BCKDHB: variants seen among roughly 807,000 people sequenced by gnomAD.
BCKDHB encodes 2-oxoisovalerate dehydrogenase subunit beta, mitochondrial.
In BCKDHB, 41 loss-of-function variants were observed where a neutral mutation model predicts 48.5. That is an observed-to-expected ratio of 0.85 (90% CI 0.66 to 1.10). BCKDHB has a LOEUF of 1.10. BCKDHB is among the 50% of genes least tolerant of loss of function. The pLI is 0.00. For missense variants in BCKDHB, 496 were observed against 494.2 expected, an observed-to-expected ratio of 1.00 and a Z score of -0.03; for synonymous variants, 201 against 174.8, an observed-to-expected ratio of 1.15 and a Z score of -1.18.
downstream of BCKDHB, among the ~76,000 whole-genome samples, chr6:80,349,648 A>G (rs542800827): frequency 1.8e-4 from 28 of 152,356 alleles, no homozygotes; most frequent in Non-Finnish European, 2.8e-4. Context: ...ATGAAAACAA[A>G]TATGGCATAA....
Position 80,196,048 on chromosome 6 carries a change from A to G in BCKDHB, c.743-4886A>G, listed in dbSNP as rs77442476. 9.3e-3 allele frequency among the ~76,000 whole-genome samples: 1,414 copies of G among 152,332 alleles called. 29 individuals are homozygous for G. The highest frequency in any genetic ancestry group is 0.032 in the African/African-American group (1,346 of 41,582). On this transcript the variant is annotated intron_variant, in intron 6 of 9. Coordinates refer to ENST00000320393, the MANE Select transcript of BCKDHB (RefSeq NM_183050.4). ...ACTGCAGATTAGTGACAGGGCAGAG[A>G]AATGACCTTATTATCTCTGTAATGG...
At chr6:80,183,361 A>C (rs1368837368) in intron 6 of BCKDHB, among the ~76,000 whole-genome samples, 1 of 152,220 alleles carries the variant, frequency 6.6e-6, no homozygotes, top group Non-Finnish European at 1.5e-5. Flanking sequence ...TCAGACATTT[A>C]ACTTGGCAAT....
chr6:80,216,564 T>C (rs1775181131), intron 8 of BCKDHB, among the ~76,000 whole-genome samples: 1 of 152,218 alleles, frequency 6.6e-6, no homozygotes, highest in Non-Finnish European at 1.5e-5. Flanking sequence ...ACACTTAAAT[T>C]ATTTGAGTTT....
chr6:80,284,905 C>A (rs1766553817), intron 9 of BCKDHB, among the ~76,000 whole-genome samples: 1 of 152,028 alleles, frequency 6.6e-6, no homozygotes, highest in Non-Finnish European at 1.5e-5. Context: ...AGTCACCATG[C>A]CTGTATTATT....
At chr6:80,285,383 ATAAAT>A (rs550610037) in intron 9 of BCKDHB, among the ~76,000 whole-genome samples, 3 of 152,294 alleles carry the variant, frequency 2.0e-5, no homozygotes, top group South Asian at 2.1e-4. Context: ...AATTTACCTA[ATAAAT>A]TAAATGCAGT....
At chr6:80,326,765 G>A (rs939799743) in intron 9 of BCKDHB, among the ~76,000 whole-genome samples, 1 of 152,044 alleles carries the variant, frequency 6.6e-6, no homozygotes, top group African/African-American at 2.4e-5. Flanking sequence ...GCTTGTGTCT[G>A]TAATCCCAGA....
the BCKDHB span, among the ~76,000 whole-genome samples, chr6:80,410,013 C>T: frequency 1.3e-5 from 2 of 151,972 alleles, no homozygotes; most frequent in Non-Finnish European, 2.9e-5. Context: ...TTATTTTGCC[C>T]ATTAATTGAT....
the BCKDHB span, among the ~76,000 whole-genome samples, chr6:80,366,757 CT>C: frequency 2.3e-4 from 35 of 152,144 alleles, 1 homozygote; most frequent in Admixed American, 2.3e-3. Context: ...CATTAATATT[CT>C]TTTTTCACTC....
Position 80,189,486 on chromosome 6 carries a change from A to ATTC in BCKDHB, c.743-11448_743-11447insTTC, listed in dbSNP as rs1263435288. Among the ~76,000 whole-genome samples, 4 of 152,308 alleles carry ATTC rather than the reference A, an allele frequency of 2.6e-5. No homozygotes were observed. The East Asian group carries it at 7.7e-4, about 29-fold the overall frequency. On this transcript the variant is annotated intron_variant, in intron 6 of 9. Coordinates refer to ENST00000320393, the MANE Select transcript of BCKDHB (RefSeq NM_183050.4). The stretch of plus-strand genomic sequence containing the variant: ...AGTGACATTAACAATGCCCAAACTG[A>ATTC]ACACTTGACTAGCAGAAAGGGTGTT...
At chr6:80,419,634 C>T in the BCKDHB span, among the ~76,000 whole-genome samples, 56 of 152,294 alleles carry the variant, frequency 3.7e-4, no homozygotes, top group African/African-American at 1.3e-3. Flanking sequence ...TAAGCAGCCT[C>T]AACCACCCCA....
intron 8 of BCKDHB, among the ~76,000 whole-genome samples, chr6:80,261,198 C>A (rs1230743733): frequency 6.6e-6 from 1 of 152,170 alleles, no homozygotes; most frequent in Non-Finnish European, 1.5e-5. Context: ...GGAAGATGAA[C>A]CTCCTTTTCT....
the BCKDHB span, among the ~76,000 whole-genome samples, chr6:80,365,709 G>A: frequency 6.6e-6 from 1 of 152,040 alleles, no homozygotes; most frequent in East Asian, 1.9e-4. Context: ...TGGTCCTGAG[G>A]TGACGTACAT....
chr6:80,441,730 G>A, the BCKDHB span, among the ~76,000 whole-genome samples: 1 of 151,982 alleles, frequency 6.6e-6, no homozygotes, highest in Non-Finnish European at 1.5e-5. Context: ...TTAAATTCAA[G>A]TGACATTTCT....
chr6:80,343,848 CT>C lies in BCKDHB; in HGVS notation c.*45del, dbSNP rs1330502779. On this transcript the variant is annotated 3_prime_UTR_variant, in exon 10 of 10. Transcript: ENST00000320393. ...ATCTTGAGAAAGCTACTATGTGCCC[CT>C]GACATTAACGTACTGTTAACCAAGA... 25 of 1,604,714 alleles carry C rather than the reference CT, an allele frequency of 1.6e-5. No individual in the cohort carries two copies. The highest frequency in any genetic ancestry group is 2.0e-5 in the Non-Finnish European group (24 of 1,171,876).
At chr6:80,107,530 C>CATAT (rs771203556) in intron 1 of BCKDHB, among the ~76,000 whole-genome samples, 1,206 of 116,752 alleles carry the variant, frequency 0.01, 13 homozygotes, top group African/African-American at 0.013. Flanking sequence ...TATATATATG[C>CATAT]ATATATATAT....
intron 1 of BCKDHB, among the ~76,000 whole-genome samples, chr6:80,123,616 C>T (rs1340165840): frequency 1.3e-5 from 2 of 152,180 alleles, no homozygotes; most frequent in Non-Finnish European, 2.9e-5. Context: ...CTGGTTTAGT[C>T]TTGGGAGGGT....
the BCKDHB span, among the ~76,000 whole-genome samples, chr6:80,420,338 A>G: frequency 6.6e-6 from 1 of 152,218 alleles, no homozygotes; most frequent in South Asian, 2.1e-4. Context: ...TCTGGTAGAC[A>G]CGCAGACTTT....
intron 9 of BCKDHB, chr6:80,307,845 G>A: frequency 1.0e-6 from 1 of 983,846 alleles, no homozygotes; most frequent in Non-Finnish European, 1.2e-6. Context: ...TATGTGTTTT[G>A]GACTACTTAA....
chr6:80,108,584 G>A lies in BCKDHB; in HGVS notation c.196+1695G>A, dbSNP rs566612189. On this transcript the variant is annotated intron_variant, in intron 1 of 9. Transcript: ENST00000320393. ...TAAAAAAAAAAAAAAAAAATCTGCC[G>A]GGCGCAGTGGCTCACGTCTGTAATC... Among the ~76,000 whole-genome samples the A allele has an allele frequency of 1.2e-3, 174 of 149,984 alleles. 3 individuals carry two copies. Among genetic ancestry groups the A allele is most frequent in the Non-Finnish European group, 2.3e-3 (153 of 67,724 alleles).
Sources: gnomAD v4.1 joint callset for allele counts (sites outside exome capture counted in the v4.1 genomes callset) on GRCh38, gnomAD v4.1.1 for gene constraint, MANE v1.5 for transcripts, NCBI Gene and HGNC (gene_info 2026-07-23, HGNC 2026-07-21) for gene names.